HEATR4: variants seen among roughly 807,000 people sequenced by gnomAD.
The protein encoded by HEATR4 is HEAT repeat-containing protein 4.
A neutral mutation model predicts 108.8 loss-of-function variants in HEATR4; 95 were observed. The observed-to-expected ratio is 0.87, with a 90% CI of 0.74 to 1.04. The LOEUF (loss-of-function observed/expected upper bound fraction) is 1.04, where lower values mean the gene tolerates loss of function less well. HEATR4 is among the 50% of genes least tolerant of loss of function. The pLI is 0.00. For synonymous variants in HEATR4, 443 were observed against 459.4 expected, an observed-to-expected ratio of 0.96 and a Z score of 0.46; for missense variants, 1,152 against 1,253.8, an observed-to-expected ratio of 0.92 and a Z score of 1.23.
At chr14:73,519,642 GA>G (rs1335296672) in intron 4 of HEATR4, among the ~76,000 whole-genome samples, 3 of 152,202 alleles carry the variant, frequency 2.0e-5, no homozygotes, top group Non-Finnish European at 4.4e-5. Flanking sequence ...AGAATCAGTT[GA>G]GCCTGGGAGG....
At chr14:73,591,580 C>A in the HEATR4 span, 5 of 202,712 alleles carry the variant, frequency 2.5e-5, no homozygotes, top group Non-Finnish European at 4.9e-5. Flanking sequence ...TTCCATGGAG[C>A]CCATGAAAGG....
chr14:73,491,817 A>C (rs1392240200), intron 17 of HEATR4: 3 of 1,603,848 alleles, frequency 1.9e-6, no homozygotes, highest in Non-Finnish European at 2.6e-6. Context: ...GCCGCTCGCT[A>C]CATCAACGGA....
the HEATR4 span, among the ~76,000 whole-genome samples, chr14:73,614,229 A>T: frequency 6.6e-6 from 1 of 152,024 alleles, no homozygotes; most frequent in Non-Finnish European, 1.5e-5. Context: ...CAAATTCTAG[A>T]GTTGCAACAG....
At chr14:73,544,447 A>G (rs920309890) in intron 1 of HEATR4, among the ~76,000 whole-genome samples, 2 of 115,746 alleles carry the variant, frequency 1.7e-5, no homozygotes, top group African/African-American at 5.6e-5. Context: ...TAAAACTACT[A>G]AAACTTTTCA....
At chr14:73,616,293 T>G in the HEATR4 span, among the ~76,000 whole-genome samples, 1 of 152,026 alleles carries the variant, frequency 6.6e-6, no homozygotes, top group East Asian at 1.9e-4. Context: ...TAACTTGGTT[T>G]ATTTTTGTTT....
intron 3 of HEATR4, 48 bp downstream of exon 3, chr14:73,522,224 G>A (rs1479039955): frequency 7.0e-6 from 11 of 1,564,206 alleles, no homozygotes; most frequent in Non-Finnish European, 8.7e-6. Context: ...GTCCCTAAAG[G>A]GGAGTCAGGG....
rs113357217 is a variant in HEATR4, at chr14:73,545,140, C to G, written c.-152+13611G>C. 4.6e-4 allele frequency among the ~76,000 whole-genome samples: 48 copies of G among 104,990 alleles called. 12 individuals carry two copies. Among genetic ancestry groups the G allele is most frequent in the African/African-American group, 1.5e-3 (48 of 32,764 alleles). The allele number at this position is 104,990 out of a possible 152,430, so 68.9% of individuals were successfully genotyped here. On this transcript the variant is annotated intron_variant, in intron 1 of 17. Transcript: ENST00000553558. ...GTGGCACAGTCACGGCTCACTGCAG[C>G]CTCAACCTCGTAGGTTTAAGCTATT...
At chr14:73,572,177 A>ATTGCC in the HEATR4 span, among the ~76,000 whole-genome samples, 24 of 50,386 alleles carry the variant, frequency 4.8e-4, 2 homozygotes, top group African/African-American at 4.4e-3. Flanking sequence ...ATAAGAGGCC[A>ATTGCC]GATGAGCAGT....
chr14:73,630,991 G>A, the HEATR4 span, among the ~76,000 whole-genome samples: 1 of 152,312 alleles, frequency 6.6e-6, no homozygotes, highest in Non-Finnish European at 1.5e-5. Context: ...GTACCTTGCA[G>A]GTACTTACTT....
At chr14:73,503,788 GT>G (rs1886637144) in intron 10 of HEATR4, among the ~76,000 whole-genome samples, 1 of 152,158 alleles carries the variant, frequency 6.6e-6, no homozygotes. Context: ...ACCCCCAGGG[GT>G]AGCATAGTGC....
At chr14:73,505,543 C>A (rs1445888871) in intron 10 of HEATR4, among the ~76,000 whole-genome samples, 1 of 151,988 alleles carries the variant, frequency 6.6e-6, no homozygotes, top group Non-Finnish European at 1.5e-5. Flanking sequence ...ATTACAGGTG[C>A]CAGCCACCAC....
chr14:73,491,481 T>C, intron 17 of HEATR4: 1 of 1,498,064 alleles, frequency 6.7e-7, no homozygotes, highest in Non-Finnish European at 8.9e-7. Context: ...GCGCAACACT[T>C]AGCGGCCGTC....
At chr14:73,614,822 C>T in the HEATR4 span, among the ~76,000 whole-genome samples, 7 of 151,456 alleles carry the variant, frequency 4.6e-5, no homozygotes, top group African/African-American at 7.3e-5. Flanking sequence ...AGGAGCCGGG[C>T]GCAGTGGCTC....
chr14:73,558,473 A>G (rs1435535474), intron 1 of HEATR4, among the ~76,000 whole-genome samples: 1 of 127,888 alleles, frequency 7.8e-6, no homozygotes, highest in Non-Finnish European at 1.6e-5. Context: ...CCTCCCACAT[A>G]GCTGGGAGCA....
chr14:73,491,368 C>T (rs1885720393), intron 17 of HEATR4: 2 of 1,366,908 alleles, frequency 1.5e-6, no homozygotes, highest in Non-Finnish European at 1.9e-6. Flanking sequence ...CCCTGCAGAC[C>T]CCGTCGGCGC....
the HEATR4 span, chr14:73,594,935 C>A: frequency 7.8e-7 from 1 of 1,287,634 alleles, no homozygotes; most frequent in Non-Finnish European, 1.1e-6. Flanking sequence ...AAACTCCTGA[C>A]CTCAAGTGAT....
the HEATR4 span, among the ~76,000 whole-genome samples, chr14:73,631,201 C>G: frequency 1.9e-4 from 29 of 152,298 alleles, no homozygotes; most frequent in African/African-American, 6.3e-4. Flanking sequence ...CCTTGACAAG[C>G]AGTTTAATAA....
chr14:73,498,437 C>CAAAAGGGAAG, intron 13 of HEATR4, 93 bp from the exon 14 acceptor site: 3 of 1,100,864 alleles, frequency 2.7e-6, no homozygotes, highest in Non-Finnish European at 3.8e-6. Flanking sequence ...CAATACCTTC[C>CAAAAGGGAAG]CTTTTGGATG....
intron 17 of HEATR4, chr14:73,490,976 G>C (rs745410651): frequency 5.3e-6 from 7 of 1,316,458 alleles, no homozygotes; most frequent in African/African-American, 4.6e-5. Context: ...CTTTAGCTTC[G>C]CCCCCGGCCG....
Sources: allele counts gnomAD v4.1 joint callset (sites outside exome capture counted in the v4.1 genomes callset), GRCh38; gene constraint gnomAD v4.1.1; transcripts MANE v1.5; gene names NCBI Gene and HGNC (gene_info 2026-07-23, HGNC 2026-07-21).